ARHGEF28: variants seen among roughly 807,000 people sequenced by gnomAD.
ARHGEF28 encodes the protein Rho guanine nucleotide exchange factor 28, also known as 190 kDa guanine nucleotide exchange factor.
A neutral mutation model predicts 206.6 loss-of-function variants in ARHGEF28; 152 were observed. The ratio of observed to expected loss-of-function variants is 0.74; its 90% CI spans 0.64 to 0.84. ARHGEF28 has a LOEUF of 0.84. ARHGEF28 is among the 40% of genes least tolerant of loss of function. ARHGEF28 has a pLI of 0.00. For synonymous variants in ARHGEF28, 763 were observed against 776.4 expected (o/e 0.98, Z 0.29); for missense variants, 2,028 against 2,073.2 (o/e 0.98, Z 0.42).
At position 73,911,578 on chromosome 5, in the gene ARHGEF28, A is replaced by G. The variant is rs961545687; in HGVS notation, c.4948+3A>G. ...CAGCAAGGATTCTTGTAAAAATGGT[A>G]ATTAACACTTTAAACATCATCTGTA... On this transcript the variant is annotated splice_donor_region_variant and intron_variant, in intron 35 of 35. Coordinates refer to ENST00000513042, the MANE Select transcript of ARHGEF28 (RefSeq NM_001177693.2). 1 of 1,587,680 alleles carries G rather than the reference A, an allele frequency of 6.3e-7. No homozygotes were observed. Among genetic ancestry groups the G allele is most frequent in the Admixed American group, 1.8e-5 (1 of 56,110 alleles).
At chr5:73,784,698 AC>A (rs1459641542) in intron 7 of ARHGEF28, among the ~76,000 whole-genome samples, 1 of 152,172 alleles carries the variant, frequency 6.6e-6, no homozygotes, top group Admixed American at 6.5e-5. Flanking sequence ...GATACCTGCA[AC>A]CCTGGATAAC....
chr5:73,723,708 A>T (rs774812148), intron 2 of ARHGEF28, among the ~76,000 whole-genome samples: 1 of 152,184 alleles, frequency 6.6e-6, no homozygotes, highest in Non-Finnish European at 1.5e-5. Flanking sequence ...AGGATAAGCC[A>T]TTCAAAATCT....
intron 2 of ARHGEF28, among the ~76,000 whole-genome samples, chr5:73,690,174 T>C (rs16870691): frequency 0.02 from 3,030 of 152,282 alleles, 94 homozygotes; most frequent in African/African-American, 0.07. Flanking sequence ...TAGGAAACGA[T>C]GCAAGGACAG....
chr5:73,718,295 C>G (rs565457220), intron 2 of ARHGEF28, among the ~76,000 whole-genome samples: 1 of 152,266 alleles, frequency 6.6e-6, no homozygotes, highest in East Asian at 1.9e-4. Context: ...CTCCTGATCC[C>G]CTGTCTGCTG....
chr5:73,700,259 T>G (rs1028701690), intron 2 of ARHGEF28, among the ~76,000 whole-genome samples: 1 of 152,142 alleles, frequency 6.6e-6, no homozygotes, highest in African/African-American at 2.4e-5. Context: ...GTGTGTGTGT[T>G]TTTAAATGAA....
chr5:73,736,749 G>A (rs886184509), intron 2 of ARHGEF28, among the ~76,000 whole-genome samples: 3 of 150,170 alleles, frequency 2.0e-5, no homozygotes, highest in Non-Finnish European at 3.0e-5. Flanking sequence ...TATATGGTAG[G>A]AGTTTGATAA....
At chr5:73,762,047 G>C (rs1195586205) in intron 4 of ARHGEF28, among the ~76,000 whole-genome samples, 1 of 149,050 alleles carries the variant, frequency 6.7e-6, no homozygotes, top group Non-Finnish European at 1.5e-5. Flanking sequence ...TTCTCAGGCT[G>C]GTCTCCAACT....
intron 9 of ARHGEF28, among the ~76,000 whole-genome samples, chr5:73,827,502 C>A (rs1037139287): frequency 2.6e-5 from 4 of 152,102 alleles, no homozygotes; most frequent in Non-Finnish European, 4.4e-5. Context: ...CAGAATAATT[C>A]TATGAGATGG....
At chr5:73,762,513 T>C (rs1400015332) in intron 4 of ARHGEF28, among the ~76,000 whole-genome samples, 1 of 151,684 alleles carries the variant, frequency 6.6e-6, no homozygotes, top group Non-Finnish European at 1.5e-5. Context: ...GAGCTTTTTA[T>C]TCTTGTATAA....
At chr5:73,832,487 A>AT in intron 10 of ARHGEF28, 28 bp downstream of exon 10, 1 of 1,603,606 alleles carries the variant, frequency 6.2e-7, no homozygotes, top group Non-Finnish European at 8.5e-7. Context: ...TTACAGGATG[A>AT]TTTCTACCTC....
intron 4 of ARHGEF28, among the ~76,000 whole-genome samples, chr5:73,755,245 T>C (rs2112409234): frequency 6.6e-6 from 1 of 152,180 alleles, no homozygotes; most frequent in African/African-American, 2.4e-5. Context: ...GTTTTCTGGC[T>C]AAGAAACTTC....
chr5:73,797,153 C>T (rs1287566491), intron 9 of ARHGEF28, among the ~76,000 whole-genome samples: 15 of 152,124 alleles, frequency 9.9e-5, no homozygotes, highest in Admixed American at 6.6e-4. Context: ...AACTTTAGTC[C>T]AGTGATTTAT....
chr5:73,801,391 G>C (rs1755123138), intron 9 of ARHGEF28, among the ~76,000 whole-genome samples: 2 of 151,966 alleles, frequency 1.3e-5, no homozygotes, highest in Admixed American at 1.3e-4. Flanking sequence ...AGCTTGCAGT[G>C]AGCCGAGATC....
chr5:73,813,982 T>G (rs1756020397), intron 9 of ARHGEF28, among the ~76,000 whole-genome samples: 1 of 152,062 alleles, frequency 6.6e-6, no homozygotes, highest in Admixed American at 6.6e-5. Context: ...AGAATTACCT[T>G]GGAGTTACCT....
chr5:73,782,130 G>GT (rs1172981013), intron 7 of ARHGEF28, among the ~76,000 whole-genome samples: 7 of 76,768 alleles, frequency 9.1e-5, no homozygotes, highest in African/African-American at 3.9e-4. Context: ...CTGCATGTTT[G>GT]TTAAAAAAAA....
chr5:73,667,857 TA>T (rs1407112428), intron 1 of ARHGEF28, among the ~76,000 whole-genome samples: 1 of 152,212 alleles, frequency 6.6e-6, no homozygotes, highest in Non-Finnish European at 1.5e-5. Flanking sequence ...TCATTGCTAT[TA>T]AATTCTGCCT....
chr5:73,865,977 A>G lies in ARHGEF28; in HGVS notation c.2116A>G (p.Lys706Glu). 1 of 1,601,148 alleles carries G rather than the reference A, an allele frequency of 6.2e-7. No individual in the cohort carries two copies. Among genetic ancestry groups the G allele is most frequent in the Middle Eastern group, 1.7e-4 (1 of 6,014 alleles). Residue 706 changes from lysine (K) to glutamate (E), a missense_variant, in exon 18 of 36, where the codon AAA (lysine) becomes GAA (glutamate). Around this residue, in one of 3 missense-constraint regions of ARHGEF28, gnomAD observed 1,002 missense variants for 1,015.3 expected, o/e 0.99. Transcript: ENST00000513042. ...TATTCTTTACCAGAAATTCCAAGAGAAATATAACAAGAACAAACCACAGAC... is the reference window on the plus strand; with the variant it reads ...TATTCTTTACCAGAAATTCCAAGAGGAATATAACAAGAACAAACCACAGAC... ...APACTKKFQE[K>E]YNKNKPQTIL... is the part of the protein sequence containing the mutation.
chr5:73,806,674 C>T (rs1191917695), intron 9 of ARHGEF28, among the ~76,000 whole-genome samples: 1 of 133,502 alleles, frequency 7.5e-6, no homozygotes, highest in African/African-American at 2.8e-5. Context: ...CTATATGTAC[C>T]ATATATACGA....
In ARHGEF28 at chr5:73,941,366, T is replaced by G. The variant is rs1742607866; in HGVS notation, c.*353T>G. 6.3e-6 allele frequency: 1 copy of G among 157,980 alleles called. No individual in the cohort carries two copies. The highest frequency in any genetic ancestry group is 1.4e-5 in the Non-Finnish European group (1 of 71,844). 9.8% of individuals were successfully genotyped at this position (157,980 alleles called of 1,614,324 possible). A position where few individuals can be genotyped will look rare whatever the true frequency, so the allele number is the denominator to read the frequency against. The stretch of plus-strand genomic sequence containing the variant: ...TCCTTTTAAGATCTCAATGAAGCAA[T>G]TTGGATTTAAAGAGTGGTATTCACA... On this transcript the variant is annotated 3_prime_UTR_variant, in exon 36 of 36. Transcript: ENST00000513042.
Sources: gnomAD v4.1 joint callset for allele counts (sites outside exome capture counted in the v4.1 genomes callset) on GRCh38, gnomAD v4.1.1 for gene constraint, gnomAD v4.1.1 regional missense constraint, MANE v1.5 for transcripts, NCBI Gene and HGNC (gene_info 2026-07-23, HGNC 2026-07-21) for gene names.